EVC: variants seen among roughly 807,000 people sequenced by gnomAD.
EVC encodes EvC ciliary complex subunit 1.
EVC carries 116 observed loss-of-function variants against 118.9 expected under a neutral mutation model. The ratio of observed to expected loss-of-function variants is 0.98; its 90% CI spans 0.84 to 1.14. The LOEUF (loss-of-function observed/expected upper bound fraction) is 1.14. Among genes scored for constraint, EVC ranks in the 50% most tolerant of loss-of-function variants. The pLI, the probability that EVC is intolerant of heterozygous loss-of-function variation, is 0.00. For synonymous variants in EVC, 619 were observed against 534.7 expected (o/e 1.16, Z -2.18); for missense variants, 1,401 against 1,246.4 (o/e 1.12, Z -1.87).
chr4:5,811,018 AG>A lies in EVC; in HGVS notation c.2961del (p.Arg988GlufsTer47). On this transcript the variant is annotated frameshift_variant, in exon 21 of 21. Transcript: ENST00000264956. LOFTEE classifies it high-confidence loss of function. ...AGTGGGAACTCAAAGAAGATGCTAA[AG>A]AGAAGAAGCAACTTGTAGTTTAAGA... is the stretch of plus-strand genomic sequence containing the variant. ...GDSGNSKKMLKRRSNL is the reference protein window; with the variant it reads ...GDSGNSKKMLXRRSNL 1 of 1,612,588 alleles carries A rather than the reference AG, an allele frequency of 6.2e-7. No individual in the cohort carries two copies. Among genetic ancestry groups the A allele is most frequent in the Non-Finnish European group, 8.5e-7 (1 of 1,179,156 alleles).
In EVC at chr4:5,731,804, G is replaced by T. The variant is rs1007838428; in HGVS notation, c.617+147G>T. 3.4e-5 allele frequency: 28 copies of T among 815,254 alleles called. No homozygotes were observed. Among genetic ancestry groups the T allele is most frequent in the Admixed American group, 2.2e-4 (11 of 49,522 alleles). The allele number at this position is 815,254 out of a possible 1,614,324, so 50.5% of individuals were successfully genotyped here. A position where few individuals can be genotyped will look rare whatever the true frequency, so the allele number is the denominator to read the frequency against. On this transcript the variant is annotated intron_variant, in intron 4 of 20. Coordinates refer to ENST00000264956, the MANE Select transcript of EVC (RefSeq NM_153717.3). The surrounding 1 kb of genome is among the most constrained non-coding windows in gnomAD (Gnocchi z 5.6). ...ACAGCGACCCAGCGTCACCATCGGA[G>T]CCCCAGAGGCCTTTGTCACTTCCTG...
At chr4:5,819,839 C>G in the EVC span, among the ~76,000 whole-genome samples, 3,871 of 152,232 alleles carry the variant, frequency 0.025, 164 homozygotes, top group African/African-American at 0.089. Flanking sequence ...GTTAGTTAAC[C>G]TTGTTTCAAG....
At chr4:5,786,426 G>A (rs1711602254) in intron 12 of EVC, among the ~76,000 whole-genome samples, 1 of 152,098 alleles carries the variant, frequency 6.6e-6, no homozygotes, top group Admixed American at 6.5e-5. Flanking sequence ...AATTTTTCTT[G>A]GCATGTGGGG....
rs1553860016 is a variant in EVC, at chr4:5,715,740, C to CCTTTTT, written c.175-3508_175-3507insCTTTTT. On this transcript the variant is annotated intron_variant, in intron 1 of 20. Transcript: ENST00000264956. ...AATTTCGAAGGCATTTTTCCATTGT[C>CCTTTTT]TTTTTTTTTTTTTTTTTTTTTGAGA... 6.6e-4 allele frequency among the ~76,000 whole-genome samples: 47 copies of CCTTTTT among 71,016 alleles called. 7 individuals carry two copies. The highest frequency in any genetic ancestry group is 1.6e-3 in the African/African-American group (34 of 20,754). 46.6% of individuals were successfully genotyped at this position (71,016 alleles called of 152,430 possible).
chr4:5,729,190 C>T, intron 2 of EVC, 117 bp from the exon 3 acceptor site: 4 of 897,910 alleles, frequency 4.5e-6, no homozygotes, highest in South Asian at 1.3e-5. Context: ...ATGTGCCTAT[C>T]ATGGTCCCTT....
chr4:5,748,074 C>A (rs1251956551), intron 7 of EVC, 74 bp from the exon 8 acceptor site: 5 of 1,506,844 alleles, frequency 3.3e-6, no homozygotes, highest in Non-Finnish European at 3.7e-6. Context: ...AATTGTAATT[C>A]CCGAGCACGC....
intron 11 of EVC, among the ~76,000 whole-genome samples, chr4:5,775,493 G>T (rs1467997358): frequency 1.3e-5 from 2 of 152,078 alleles, no homozygotes; most frequent in Non-Finnish European, 1.5e-5. Flanking sequence ...GGACATTGTT[G>T]TGCAGCTTTG....
intron 16 of EVC, among the ~76,000 whole-genome samples, chr4:5,804,380 C>T (rs1715516687): frequency 6.6e-6 from 1 of 152,210 alleles, no homozygotes; most frequent in South Asian, 2.1e-4. Flanking sequence ...CGGCACTGTG[C>T]CCTCACTCTG....
At chr4:5,785,123 T>C (rs1400350201) in intron 12 of EVC, among the ~76,000 whole-genome samples, 1 of 152,172 alleles carries the variant, frequency 6.6e-6, no homozygotes, top group Non-Finnish European at 1.5e-5. Context: ...GGGCTTCTGT[T>C]TCCTGATACC....
chr4:5,745,077 G>A lies in EVC; in HGVS notation c.802-127G>A, dbSNP rs574451533. 3.4e-4 allele frequency: 305 copies of A among 887,372 alleles called. No homozygotes were observed. The African/African-American group carries it at 5.1e-3, about 15-fold the overall frequency. 55.0% of individuals were successfully genotyped at this position (887,372 alleles called of 1,614,324 possible). A position where few individuals can be genotyped will look rare whatever the true frequency, so the allele number is the denominator to read the frequency against. ...AACCTCATGTACAACAACCCCCAGA[G>A]CATTTAACTATTGTTTAAAAATATT... On this transcript the variant is annotated intron_variant, in intron 6 of 20. Coordinates refer to ENST00000264956, the MANE Select transcript of EVC (RefSeq NM_153717.3).
At chr4:5,721,832 A>G (rs1725007520) in intron 2 of EVC, among the ~76,000 whole-genome samples, 1 of 152,172 alleles carries the variant, frequency 6.6e-6, no homozygotes, top group Non-Finnish European at 1.5e-5. Context: ...GTGCCACTGC[A>G]CTCCAGCTTA....
At chr4:5,761,592 G>C (rs10004133) in intron 11 of EVC, among the ~76,000 whole-genome samples, 1 of 150,766 alleles carries the variant, frequency 6.6e-6, no homozygotes, top group Non-Finnish European at 1.5e-5. Context: ...TACAGTTTAC[G>C]TAAGATCAGG....
rs760498505 is a variant in EVC, at chr4:5,783,588, T to C, written c.1600T>C (p.Phe534Leu). ...YFSTVDTFQK[F>L]VDALFLQTLP... Reference sequence around the variant, plus strand: ...CAGCACCGTGGACACTTTCCAGAAGTTCGTGGATGCCCTGTTCCTTCAGAC... The same window carrying C: ...CAGCACCGTGGACACTTTCCAGAAGCTCGTGGATGCCCTGTTCCTTCAGAC... The change falls in exon 12 of 21, where the codon TTC becomes CTC. Residue 534 changes from phenylalanine to leucine, a missense_variant. Physicochemically the swap from Phe to Leu is conservative, Grantham distance 22. Coordinates refer to ENST00000264956, the MANE Select transcript of EVC (RefSeq NM_153717.3). The C allele has an allele frequency of 6.2e-7, 1 of 1,614,100 alleles. No individual in the cohort carries two copies. The highest frequency in any genetic ancestry group is 8.5e-7 in the Non-Finnish European group (1 of 1,180,020).
intron 1 of EVC, among the ~76,000 whole-genome samples, chr4:5,716,709 T>C (rs1356344082): frequency 6.6e-6 from 1 of 152,238 alleles, no homozygotes; most frequent in African/African-American, 2.4e-5. Flanking sequence ...TATTACCTTC[T>C]TGCTTATCAA....
rs187317517 is a variant in EVC at position 5,803,200 on chromosome 4, C to T, written c.2449+1106C>T. 2.0e-5 allele frequency among the ~76,000 whole-genome samples: 3 copies of T among 152,348 alleles called. No homozygotes were observed. In the East Asian group the frequency reaches 5.8e-4, roughly 29 times the overall value. On this transcript the variant is annotated intron_variant, in intron 16 of 20. Transcript: ENST00000264956. ...ACACCCTCCCCTGAATCCAGAACTT[C>T]TGAGTAGGTGGGATTCCACTTCTCT...
In EVC at chr4:5,734,505, CACTT is replaced by C. The variant is rs923572709; in HGVS notation, c.702+1072_702+1075del. On this transcript the variant is annotated intron_variant, in intron 5 of 20. Coordinates refer to ENST00000264956, the MANE Select transcript of EVC (RefSeq NM_153717.3). ...AAACAAAAACAAACAAACAAACAAA[CACTT>C]AGCCTGGTGCAGTGGTGTGTGCCTA... Among the ~76,000 whole-genome samples, 88 of 151,488 alleles carry C rather than the reference CACTT, an allele frequency of 5.8e-4. 2 individuals carry two copies. Among genetic ancestry groups the C allele is most frequent in the African/African-American group, 1.8e-3 (73 of 41,386 alleles).
intron 11 of EVC, among the ~76,000 whole-genome samples, chr4:5,769,263 A>T (rs913489959): frequency 6.6e-6 from 1 of 152,094 alleles, no homozygotes; most frequent in Non-Finnish European, 1.5e-5. Context: ...CTCTTTATAA[A>T]ACCATCAGAT....
chr4:5,828,565 T>C, the EVC span: 4 of 1,614,216 alleles, frequency 2.5e-6, no homozygotes, highest in Non-Finnish European at 3.4e-6. Context: ...CATGCCCTTG[T>C]TGACGTTGAT....
intron 11 of EVC, among the ~76,000 whole-genome samples, chr4:5,764,035 G>T (rs1433132090): frequency 6.7e-6 from 1 of 148,412 alleles, no homozygotes; most frequent in Non-Finnish European, 1.5e-5. Context: ...ATTGGCTGGG[G>T]GTTTGTCATA....
Sources: gnomAD v4.1 joint callset for allele counts (sites outside exome capture counted in the v4.1 genomes callset) on GRCh38, gnomAD v4.1.1 for gene constraint, Gnocchi (gnomAD v3.1) non-coding constraint, MANE v1.5 for transcripts, NCBI Gene and HGNC (gene_info 2026-07-23, HGNC 2026-07-21) for gene names.